Variants in CADPS2 observed in about 807,000 individuals in gnomAD.
CADPS2 encodes the protein calcium-dependent secretion activator 2.
A neutral mutation model predicts 172.5 loss-of-function variants in CADPS2; 93 were observed. The ratio of observed to expected loss-of-function variants is 0.54; its 90% CI spans 0.46 to 0.64. The LOEUF is 0.64. CADPS2 is among the 30% of genes least tolerant of loss of function. The pLI is 0.00. For missense variants in CADPS2, 1,420 were observed against 1,565.9 expected, an observed-to-expected ratio of 0.91 and a Z score of 1.57; for synonymous variants, 546 against 555.2, an observed-to-expected ratio of 0.98 and a Z score of 0.23.
intron 15 of CADPS2, among the ~76,000 whole-genome samples, chr7:122,443,327 C>G (rs574861419): frequency 6.6e-6 from 1 of 152,222 alleles, no homozygotes; most frequent in South Asian, 2.1e-4. Flanking sequence ...CTTTACAAAA[C>G]AAGTTTTAAA....
At chr7:122,612,950 T>A (rs991108317) in intron 6 of CADPS2, among the ~76,000 whole-genome samples, 1 of 152,096 alleles carries the variant, frequency 6.6e-6, no homozygotes, top group African/African-American at 2.4e-5. Flanking sequence ...AAGGAAAGAA[T>A]AGGTTTTTCA....
At chr7:122,718,302 T>C (rs144944693) in intron 2 of CADPS2, among the ~76,000 whole-genome samples, 23 of 152,088 alleles carry the variant, frequency 1.5e-4, no homozygotes, top group African/African-American at 5.1e-4. Flanking sequence ...TGGAAATTTC[T>C]TGACATGGAA....
At chr7:122,840,129 G>A (rs1438288072) in intron 1 of CADPS2, among the ~76,000 whole-genome samples, 1 of 152,116 alleles carries the variant, frequency 6.6e-6, no homozygotes, top group Non-Finnish European at 1.5e-5. Flanking sequence ...GTCCTTTGTA[G>A]GGACATGGAT....
At chr7:122,839,028 A>G (rs1259923809) in intron 1 of CADPS2, among the ~76,000 whole-genome samples, 1 of 152,216 alleles carries the variant, frequency 6.6e-6, no homozygotes. Context: ...ACTTCAAACC[A>G]TACTACAAGG....
In CADPS2 at chr7:122,345,571, T is replaced by G. The variant is rs781174376; in HGVS notation, c.3612+3A>C. 3.2e-6 allele frequency: 5 copies of G among 1,561,900 alleles called. No homozygotes were observed. The highest frequency in any genetic ancestry group is 4.4e-6 in the Non-Finnish European group (5 of 1,134,772). The stretch of plus-strand genomic sequence containing the variant: ...AGCATACCTTGCAAGGGAAGCTACT[T>G]ACATCAAATAACTTTTCTATATACA... On this transcript the variant is annotated splice_donor_region_variant and intron_variant, in intron 28 of 29. Transcript: ENST00000449022.
At chr7:122,369,433 C>T (rs1295803847) in intron 25 of CADPS2, among the ~76,000 whole-genome samples, 2 of 152,066 alleles carry the variant, frequency 1.3e-5, no homozygotes, top group Non-Finnish European at 2.9e-5. Context: ...GCCCAGTCTT[C>T]CCCTTTCTTT....
chr7:122,825,780 T>C (rs1804700747), intron 1 of CADPS2, among the ~76,000 whole-genome samples: 1 of 152,192 alleles, frequency 6.6e-6, no homozygotes, highest in African/African-American at 2.4e-5. Flanking sequence ...CCAATGTTAA[T>C]GTTTTGCAAT....
chr7:122,636,164 C>T (rs1454653500), intron 3 of CADPS2, among the ~76,000 whole-genome samples: 1 of 152,104 alleles, frequency 6.6e-6, no homozygotes, highest in Non-Finnish European at 1.5e-5. Context: ...TTTTTGTAGA[C>T]TTGACTGTGT....
chr7:122,431,608 C>T (rs1355399304), intron 17 of CADPS2, among the ~76,000 whole-genome samples: 1 of 152,156 alleles, frequency 6.6e-6, no homozygotes, highest in East Asian at 1.9e-4. Flanking sequence ...CTGAACCTCC[C>T]ACTTACTAGC....
chr7:122,577,750 G>C (rs1474692888), intron 7 of CADPS2, among the ~76,000 whole-genome samples: 1 of 152,096 alleles, frequency 6.6e-6, no homozygotes, highest in East Asian at 1.9e-4. Context: ...GTCTTCCAAA[G>C]TGACTACAAT....
intron 1 of CADPS2, among the ~76,000 whole-genome samples, chr7:122,874,529 A>T (rs1228130014): frequency 6.6e-6 from 1 of 152,204 alleles, no homozygotes; most frequent in Admixed American, 6.5e-5. Flanking sequence ...ATTAGAAAAA[A>T]CTACTTTAAA....
At chr7:122,476,579 T>C (rs999638098) in intron 12 of CADPS2, among the ~76,000 whole-genome samples, 1 of 152,152 alleles carries the variant, frequency 6.6e-6, no homozygotes, top group South Asian at 2.1e-4. Context: ...ATGACACACA[T>C]GAATGGAAAA....
intron 8 of CADPS2, among the ~76,000 whole-genome samples, chr7:122,521,326 T>C (rs1361030267): frequency 1.3e-5 from 2 of 152,134 alleles, no homozygotes; most frequent in Non-Finnish European, 2.9e-5. Context: ...TGGGCACCAT[T>C]GCATTTGAAG....
At chr7:122,819,535 G>A (rs1024515572) in intron 1 of CADPS2, among the ~76,000 whole-genome samples, 2 of 152,012 alleles carry the variant, frequency 1.3e-5, no homozygotes, top group African/African-American at 4.8e-5. Context: ...CTTTTCAAGG[G>A]CCTGTTTCCC....
At chr7:122,719,352 G>T (rs1398369512) in intron 2 of CADPS2, among the ~76,000 whole-genome samples, 1 of 152,094 alleles carries the variant, frequency 6.6e-6, no homozygotes, top group African/African-American at 2.4e-5. Context: ...CTCTGAACTT[G>T]TTCAAATCAC....
In CADPS2 at chr7:122,872,621, G is replaced by T. The variant is rs551799693; in HGVS notation, c.339+13378C>A. On this transcript the variant is annotated intron_variant, in intron 1 of 29. Coordinates refer to ENST00000449022, the MANE Select transcript of CADPS2 (RefSeq NM_017954.11). ...TTTTTCTTATGATATTCAGCATTTT[G>T]TAAGCCTTTTTAACTAAGCAGTATT... 2.6e-5 allele frequency among the ~76,000 whole-genome samples: 4 copies of T among 152,114 alleles called. No homozygotes were observed. In the South Asian group the frequency reaches 8.3e-4, roughly 32 times the overall value.
intron 9 of CADPS2, among the ~76,000 whole-genome samples, chr7:122,495,325 A>G (rs2130026004): frequency 6.6e-6 from 1 of 152,304 alleles, no homozygotes; most frequent in East Asian, 1.9e-4. Context: ...AGAGATAAAC[A>G]CCATGATGAC....
chr7:122,557,637 A>T (rs1334768592), intron 7 of CADPS2, among the ~76,000 whole-genome samples: 3 of 152,146 alleles, frequency 2.0e-5, no homozygotes, highest in Non-Finnish European at 4.4e-5. Context: ...ATTGGACTGG[A>T]TATAAAAATG....
chr7:122,611,962 A>G (rs538008272), intron 6 of CADPS2, among the ~76,000 whole-genome samples: 8 of 152,108 alleles, frequency 5.3e-5, no homozygotes, highest in Admixed American at 6.6e-5. Flanking sequence ...CAAAATCCAC[A>G]TGATCATCTC....
Sources: gnomAD v4.1 joint callset for allele counts (sites outside exome capture counted in the v4.1 genomes callset) on GRCh38, gnomAD v4.1.1 for gene constraint, MANE v1.5 for transcripts, NCBI Gene and HGNC (gene_info 2026-07-23, HGNC 2026-07-21) for gene names.